Variants in CALN1 observed in about 807,000 individuals in gnomAD.
The protein encoded by CALN1 is calcium-binding protein 8.
CALN1 carries 17 observed loss-of-function variants against 30.6 expected under a neutral mutation model. The observed-to-expected ratio is 0.56, with a 90% confidence interval of 0.38 to 0.83. The LOEUF (loss-of-function observed/expected upper bound fraction) is 0.83, where lower values mean the gene tolerates loss of function less well. Among genes scored for constraint, CALN1 ranks in the 40% least tolerant of loss-of-function variants. CALN1 has a pLI of 0.00. For missense variants in CALN1, 291 were observed against 354.9 expected, an observed-to-expected ratio of 0.82 and a Z score of 1.45; for synonymous variants, 156 against 131.4, an observed-to-expected ratio of 1.19 and a Z score of -1.28.
intron 3 of CALN1, among the ~76,000 whole-genome samples, chr7:72,238,659 G>C (rs899756595): frequency 6.6e-6 from 1 of 152,150 alleles, no homozygotes; most frequent in African/African-American, 2.4e-5. Context: ...GTTCTCACAA[G>C]TTCTGATGGT....
At chr7:72,379,776 C>T (rs564555376) in intron 2 of CALN1, among the ~76,000 whole-genome samples, 22 of 152,314 alleles carry the variant, frequency 1.4e-4, no homozygotes, top group African/African-American at 5.3e-4. Context: ...TCCATCCACC[C>T]CTAAGCAGCT....
Position 72,227,412 on chromosome 7 carries a change from C to T in CALN1, c.244+51274G>A, listed in dbSNP as rs182401410. ...AAAATTAGCTGGGAGTGGTGACGGG[C>T]GCCTGTAATCCCAGCTACTTGGGAG... On this transcript the variant is annotated intron_variant, in intron 3 of 6. Transcript: ENST00000395275. Among the ~76,000 whole-genome samples, 339 of 151,664 alleles carry T rather than the reference C, an allele frequency of 2.2e-3. 3 individuals carry two copies. Among genetic ancestry groups the T allele is most frequent in the Middle Eastern group, 0.017 (5 of 294 alleles).
At chr7:72,391,504 T>C (rs756202665) in intron 2 of CALN1, among the ~76,000 whole-genome samples, 3 of 152,112 alleles carry the variant, frequency 2.0e-5, no homozygotes, top group Non-Finnish European at 2.9e-5. Context: ...AGTTTTAAAA[T>C]ATGGCCCCTG....
At chr7:72,380,356 C>T (rs1804812404) in intron 2 of CALN1, among the ~76,000 whole-genome samples, 1 of 152,198 alleles carries the variant, frequency 6.6e-6, no homozygotes, top group Admixed American at 6.5e-5. Flanking sequence ...CAGAGGTAGG[C>T]TGGGTGCAGT....
intron 1 of CALN1, among the ~76,000 whole-genome samples, chr7:72,430,711 A>T (rs145149210): frequency 8.0e-4 from 121 of 152,136 alleles, no homozygotes; most frequent in South Asian, 4.8e-3. Flanking sequence ...AGCTCTAAGG[A>T]CCCGGTCTGG....
intron 3 of CALN1, among the ~76,000 whole-genome samples, chr7:72,139,743 C>T (rs1211670945): frequency 6.6e-6 from 1 of 152,232 alleles, no homozygotes; most frequent in Non-Finnish European, 1.5e-5. Flanking sequence ...CTAGGAACCT[C>T]AGTGCTCTGC....
At chr7:72,444,529 T>C (rs1808460950) in intron 1 of CALN1, among the ~76,000 whole-genome samples, 1 of 152,212 alleles carries the variant, frequency 6.6e-6, no homozygotes, top group Non-Finnish European at 1.5e-5. Context: ...AACTTTTATG[T>C]TGTTTCCACG....
intron 3 of CALN1, among the ~76,000 whole-genome samples, chr7:72,229,865 G>A (rs575946249): frequency 2.1e-4 from 32 of 151,862 alleles, no homozygotes; most frequent in South Asian, 1.5e-3. Flanking sequence ...GACAGGGGCC[G>A]GGCACAGTGG....
At chr7:72,462,577 C>T in the CALN1 span, among the ~76,000 whole-genome samples, 8 of 152,282 alleles carry the variant, frequency 5.3e-5, no homozygotes, top group South Asian at 1.2e-3. Context: ...ACAATACTGT[C>T]GAGGAGGTCG....
At chr7:72,446,458 A>C (rs1230009702) in intron 1 of CALN1, among the ~76,000 whole-genome samples, 1 of 150,744 alleles carries the variant, frequency 6.6e-6, no homozygotes, top group African/African-American at 2.4e-5. Context: ...GAAATCATAC[A>C]GCAAGCATTT....
chr7:72,211,431 T>C (rs933375109), intron 3 of CALN1, among the ~76,000 whole-genome samples: 1 of 152,190 alleles, frequency 6.6e-6, no homozygotes, highest in African/African-American at 2.4e-5. Context: ...CATTTTGCCT[T>C]TTATTTCAGC....
intron 4 of CALN1, among the ~76,000 whole-genome samples, chr7:72,078,461 TCTC>T (rs1294866028): frequency 6.6e-6 from 1 of 152,032 alleles, no homozygotes; most frequent in Non-Finnish European, 1.5e-5. Flanking sequence ...GTATCTGACT[TCTC>T]CTCCCCTGAT....
chr7:72,378,068 A>C (rs1316948432), intron 2 of CALN1, among the ~76,000 whole-genome samples: 1 of 152,088 alleles, frequency 6.6e-6, no homozygotes, highest in Non-Finnish European at 1.5e-5. Context: ...CATTGGCTTA[A>C]ACAGCAGGAA....
chr7:72,069,613 G>C (rs1000329511), intron 4 of CALN1, among the ~76,000 whole-genome samples: 2 of 152,062 alleles, frequency 1.3e-5, no homozygotes, highest in East Asian at 3.9e-4. Flanking sequence ...CCCTTGCAGA[G>C]GGATACAGGA....
chr7:72,181,762 A>G lies in CALN1; in HGVS notation c.245-75468T>C, dbSNP rs986258798. Reference sequence around the variant, plus strand: ...AGTGCTGGGATTACGGGCATGAGCCACCACACCCAGCCGACTTCGGTAACT... The same window carrying G: ...AGTGCTGGGATTACGGGCATGAGCCGCCACACCCAGCCGACTTCGGTAACT... On this transcript the variant is annotated intron_variant, in intron 3 of 6. Transcript: ENST00000395275. Among the ~76,000 whole-genome samples, 3 of 152,324 alleles carry G rather than the reference A, an allele frequency of 2.0e-5. No homozygotes were observed. In the South Asian group the frequency reaches 6.2e-4, roughly 32 times the overall value.
Position 71,857,263 on chromosome 7 carries a change from A to C in CALN1, c.502-46771T>G, listed in dbSNP as rs7810667. On this transcript the variant is annotated intron_variant, in intron 5 of 6. Coordinates refer to ENST00000395275, the MANE Select transcript of CALN1 (RefSeq NM_031468.4). ...AATTTTGGTGCCTCCATATTCTGCA[A>C]TCTTACATGGCTATTAAATATTAGA... is the stretch of plus-strand genomic sequence containing the variant. 9.5e-3 allele frequency among the ~76,000 whole-genome samples: 1,440 copies of C among 152,270 alleles called. 29 individuals carry two copies. The highest frequency in any genetic ancestry group is 0.033 in the African/African-American group (1,358 of 41,546).
intron 2 of CALN1, among the ~76,000 whole-genome samples, chr7:72,355,514 A>G (rs1167181895): frequency 6.6e-6 from 1 of 152,202 alleles, no homozygotes; most frequent in Non-Finnish European, 1.5e-5. Context: ...CAACAGAGTG[A>G]GACTGTCTCA....
intron 4 of CALN1, among the ~76,000 whole-genome samples, chr7:72,044,257 C>T (rs1206722551): frequency 2.0e-5 from 3 of 152,104 alleles, no homozygotes; most frequent in Non-Finnish European, 4.4e-5. Context: ...TCAGGATGTG[C>T]TCAAAGTTTG....
chr7:72,466,635 C>T, the CALN1 span, among the ~76,000 whole-genome samples: 31 of 151,718 alleles, frequency 2.0e-4, no homozygotes, highest in Non-Finnish European at 4.4e-4. Flanking sequence ...CCCAGCTACT[C>T]GGGAGGCTGA....
Sources: gnomAD v4.1 joint callset for allele counts (sites outside exome capture counted in the v4.1 genomes callset) on GRCh38, gnomAD v4.1.1 for gene constraint, MANE v1.5 for transcripts, NCBI Gene and HGNC (gene_info 2026-07-23, HGNC 2026-07-21) for gene names.